The following TACR2 variants were observed in gnomAD, a reference collection of about 807,000 sequenced individuals.
TACR2 encodes the protein substance-K receptor.
Under a neutral mutation model 28.9 loss-of-function variants are expected in TACR2, and 24 were observed. The observed-to-expected ratio is 0.83, with a 90% CI of 0.60 to 1.17. TACR2 has a LOEUF of 1.17. TACR2 is among the 50% of genes most tolerant of loss of function. TACR2 has a pLI of 0.00. For missense variants in TACR2, 487 were observed against 524.4 expected (o/e 0.93, Z 0.70); for synonymous variants, 222 against 212.6 (o/e 1.04, Z -0.38).
At chr10:69,410,129 C>T (rs1170537233) in intron 2 of TACR2, among the ~76,000 whole-genome samples, 1 of 151,778 alleles carries the variant, frequency 6.6e-6, no homozygotes, top group Non-Finnish European at 1.5e-5. Flanking sequence ...TTTCATACCA[C>T]CTTTGAGGAA....
chr10:69,409,933 ATATATATAT>A (rs1589603295), intron 2 of TACR2, among the ~76,000 whole-genome samples: 6 of 110,514 alleles, frequency 5.4e-5, no homozygotes, highest in African/African-American at 1.4e-4. Context: ...ATATATATAT[ATATATATAT>A]AATCTGTATC....
At chr10:69,414,265 C>T (rs1840592613) in intron 2 of TACR2, among the ~76,000 whole-genome samples, 1 of 152,222 alleles carries the variant, frequency 6.6e-6, no homozygotes, top group Non-Finnish European at 1.5e-5. Flanking sequence ...CAGGCTCCAT[C>T]ATGGACTCGT....
chr10:69,411,435 C>A (rs1840568639), intron 2 of TACR2, among the ~76,000 whole-genome samples: 2 of 152,170 alleles, frequency 1.3e-5, no homozygotes, highest in Admixed American at 1.3e-4. Context: ...CCTGAAAAGA[C>A]CCCCTTCTTG....
Position 69,409,003 on chromosome 10 carries a change from G to C in TACR2, c.660C>G (p.Ile220Met). Residue 220 changes from isoleucine (I) to methionine (M), a missense_variant, in exon 3 of 5, where the codon ATC becomes ATG. Transcript: ENST00000373306. Reference sequence around the variant, plus strand: ...CTGCGCGCCTCCAGAGCGTGAGGCCGATGACGCTGTAGGCTACAAACATCA... The same window carrying C: ...CTGCGCGCCTCCAGAGCGTGAGGCCCATGACGCTGTAGGCTACAAACATCA... ...LAVMFVAYSVIGLTLWRRAVP... is the reference protein window; with the variant it reads ...LAVMFVAYSVMGLTLWRRAVP... The C allele has an allele frequency of 6.2e-7, 1 of 1,607,534 alleles. No individual in the cohort carries two copies. The highest frequency in any genetic ancestry group is 8.5e-7 in the Non-Finnish European group (1 of 1,178,372).
At chr10:69,410,419 G>A (rs921460611) in intron 2 of TACR2, among the ~76,000 whole-genome samples, 1 of 151,794 alleles carries the variant, frequency 6.6e-6, no homozygotes, top group Admixed American at 6.6e-5. Context: ...TACTCAGGAG[G>A]CTGAGGCAAG....
In TACR2 at chr10:69,409,003, G is replaced by A. The variant is rs137957562; in HGVS notation, c.660C>T (p.Ile220=). 8.0e-5 allele frequency: 129 copies of A among 1,607,528 alleles called. No individual in the cohort carries two copies. In the African/African-American group the frequency reaches 1.6e-3, roughly 20 times the overall value. Residue 220 remains isoleucine, a synonymous_variant, in exon 3 of 5, where the codon ATC becomes ATT. Coordinates refer to ENST00000373306, the MANE Select transcript of TACR2 (RefSeq NM_001057.3). Reference sequence around the variant, plus strand: ...CTGCGCGCCTCCAGAGCGTGAGGCCGATGACGCTGTAGGCTACAAACATCA... The same window carrying A: ...CTGCGCGCCTCCAGAGCGTGAGGCCAATGACGCTGTAGGCTACAAACATCA... ...LAVMFVAYSV[I]GLTLWRRAVP...
At chr10:69,405,983 A>G (rs1397951407) in intron 4 of TACR2, among the ~76,000 whole-genome samples, 1 of 152,206 alleles carries the variant, frequency 6.6e-6, no homozygotes, top group South Asian at 2.1e-4. Context: ...CAGTTTCCCC[A>G]TCTGTAGAGT....
In TACR2 at chr10:69,404,929, G is replaced by C; in HGVS notation, c.1094C>G (p.Pro365Arg). The C allele has an allele frequency of 1.2e-6, 2 of 1,614,152 alleles. No homozygotes were observed. Among genetic ancestry groups the C allele is most frequent in the Non-Finnish European group, 1.7e-6 (2 of 1,180,010 alleles). The change falls in exon 5 of 5, where the codon CCC (proline) becomes CGC (arginine). Residue 365 changes from proline (P) to arginine (R), a missense_variant. Coordinates refer to ENST00000373306, the MANE Select transcript of TACR2 (RefSeq NM_001057.3). Reference protein sequence around the residue: ...ETLFMAGDTAPSEATSGEAGR... With the variant: ...ETLFMAGDTARSEATSGEAGR... ...CGCCTCCCCACTGGTAGCCTCGGAG[G>C]GGGCTGTGTCCCCAGCCATGAACAA...
At chr10:69,414,675 G>T (rs537160559) in intron 2 of TACR2, among the ~76,000 whole-genome samples, 16 of 152,204 alleles carry the variant, frequency 1.1e-4, no homozygotes, top group Non-Finnish European at 1.6e-4. Flanking sequence ...AAAATGGTAA[G>T]AATAATAATA....
At chr10:69,411,200 C>G (rs1171900171) in intron 2 of TACR2, among the ~76,000 whole-genome samples, 2 of 152,228 alleles carry the variant, frequency 1.3e-5, no homozygotes, top group East Asian at 3.8e-4. Flanking sequence ...TGCTGCGCCC[C>G]TTTCTAGAGG....
intron 2 of TACR2, among the ~76,000 whole-genome samples, chr10:69,410,783 A>G (rs1840563870): frequency 6.6e-6 from 1 of 152,060 alleles, no homozygotes; most frequent in South Asian, 2.1e-4. Context: ...CCTTGATGTT[A>G]CTCCACAAAT....
In TACR2 at chr10:69,409,067, A is replaced by T. The variant is rs1449037881; in HGVS notation, c.596T>A (p.Leu199His). 11 of 1,603,036 alleles carry T rather than the reference A, an allele frequency of 6.9e-6. No homozygotes were observed. The highest frequency in any genetic ancestry group is 7.6e-6 in the Non-Finnish European group (9 of 1,176,750). ...GAAGTAGATGAGGGCGATCACCACG[A>T]GGTGGTACCTGCAGGGAGAGCCGAG... is the stretch of plus-strand genomic sequence containing the variant. ...SGGKTLLLYH[L>H]VVIALIYFLP... The change falls in exon 3 of 5, where the codon CTC (leucine) becomes CAC (histidine). Residue 199 changes from leucine to histidine, a missense_variant. Leu to His is a moderately conservative substitution (Grantham distance 99). Transcript: ENST00000373306.
chr10:69,416,165 G>T lies in TACR2; in HGVS notation c.159C>A (p.Ile53=). Residue 53 remains isoleucine, a synonymous_variant, in exon 1 of 5, where the codon ATC becomes ATA. Coordinates refer to ENST00000373306, the MANE Select transcript of TACR2 (RefSeq NM_001057.3). ...LVLVAVTGNA[I]VIWIILAHRR... ...GATGGGCCAGGATGATCCAGATGAC[G>T]ATGGCATTACCCGTCACGGCCACCA... 6.2e-7 allele frequency: 1 copy of T among 1,614,216 alleles called. No homozygotes were observed. Among genetic ancestry groups the T allele is most frequent in the South Asian group, 1.1e-5 (1 of 91,086 alleles).
rs199718544 is a variant in TACR2, at chr10:69,416,642, C to T, written c.-319G>A. 1.5e-3 allele frequency: 360 copies of T among 247,896 alleles called. 2 individuals are homozygous for T. Among genetic ancestry groups the T allele is most frequent in the South Asian group, 9.4e-3 (76 of 8,104 alleles). The allele number at this position is 247,896 out of a possible 1,614,324, so 15.4% of individuals were successfully genotyped here. On this transcript the variant is annotated 5_prime_UTR_variant, in exon 1 of 5. Transcript: ENST00000373306. ...AAACACCCTTATAAATCAACCCCTT[C>T]GCTGAAGAGATGGAAGACAGAGATT...
chr10:69,412,008 T>A (rs1325104451), intron 2 of TACR2, among the ~76,000 whole-genome samples: 1 of 152,172 alleles, frequency 6.6e-6, no homozygotes, highest in East Asian at 1.9e-4. Context: ...ATTTTTGTAT[T>A]TTTAGTAGAG....
At chr10:69,410,518 C>CAA (rs774971144) in intron 2 of TACR2, among the ~76,000 whole-genome samples, 1,433 of 88,934 alleles carry the variant, frequency 0.016, 23 homozygotes, top group Non-Finnish European at 0.023. Context: ...GAGACCCTGT[C>CAA]AAAAAAAAAA....
In TACR2 at chr10:69,407,082, ACCT is replaced by A; in HGVS notation, c.937_938+1del. ...GAGGGTGGGGCTGGAGTGGGGGCTC[ACCT>A]GTGGTTGAGACAGCAGTAGATGATG... On this transcript the variant is annotated splice_donor_variant and coding_sequence_variant, in exon 4 of 5. Transcript: ENST00000373306. LOFTEE classifies it high-confidence loss of function. 1 of 1,613,542 alleles carries A rather than the reference ACCT, an allele frequency of 6.2e-7. No homozygotes were observed. Among genetic ancestry groups the A allele is most frequent in the South Asian group, 1.1e-5 (1 of 91,006 alleles).
Position 69,407,197 on chromosome 10 carries a change from G to A in TACR2, c.825C>T (p.Phe275=). Residue 275 remains phenylalanine, a synonymous_variant, in exon 4 of 5, where the codon TTC becomes TTT. Transcript: ENST00000373306. The part of the protein sequence containing the change: ...PYHLYFILGS[F]QEDIYCHKFI... The stretch of plus-strand genomic sequence containing the variant: ...ACTTGTGGCAGTAGATGTCCTCCTG[G>A]AAGCTGCCCAGGATGAAGTAGAGGT... 6.2e-7 allele frequency: 1 copy of A among 1,613,992 alleles called. No homozygotes were observed.
chr10:69,411,777 T>C lies in TACR2; in HGVS notation c.588-2702A>G, dbSNP rs111713861. On this transcript the variant is annotated intron_variant, in intron 2 of 4. Coordinates refer to ENST00000373306, the MANE Select transcript of TACR2 (RefSeq NM_001057.3). ...CAGCATTCCCCATTTGCCAAGGCCC[T>C]AGCTGCCAAATTATCTTTAAAGACT... 3.3e-3 allele frequency among the ~76,000 whole-genome samples: 505 copies of C among 152,306 alleles called. 4 individuals are homozygous for C. Among genetic ancestry groups the C allele is most frequent in the African/African-American group, 0.011 (473 of 41,570 alleles).
Sources: allele counts gnomAD v4.1 joint callset (sites outside exome capture counted in the v4.1 genomes callset), GRCh38; gene constraint gnomAD v4.1.1; transcripts MANE v1.5; gene names NCBI Gene and HGNC (gene_info 2026-07-23, HGNC 2026-07-21).